Variants in NRG1 observed in about 807,000 individuals in gnomAD.
NRG1 encodes neuregulin 1, also known as pro-neuregulin-1, membrane-bound isoform.
NRG1 carries 18 observed loss-of-function variants against 63.8 expected under a neutral mutation model. The observed-to-expected ratio is 0.28, with a 90% CI of 0.19 to 0.42. The LOEUF (loss-of-function observed/expected upper bound fraction) is 0.42, where lower values mean the gene tolerates loss of function less well. NRG1 is among the 10% of genes least tolerant of loss of function. The pLI is 1.00. For missense variants in NRG1, 762 were observed against 814.7 expected, an observed-to-expected ratio of 0.94 and a Z score of 0.79; for synonymous variants, 302 against 301.3, an observed-to-expected ratio of 1.00 and a Z score of -0.02.
chr8:31,974,330 AT>A lies in NRG1; in HGVS notation c.37+334906del, dbSNP rs564980727. Among the ~76,000 whole-genome samples, 7 of 151,770 alleles carry A rather than the reference AT, an allele frequency of 4.6e-5. No homozygotes were observed. In the South Asian group the frequency reaches 1.5e-3, roughly 32 times the overall value. On this transcript the variant is annotated intron_variant, in intron 1 of 10. Transcript: ENST00000519301. ...ACAGGTGCACTACCCTGCCTGGCTA[AT>A]TTTTTTCTTTAAATTTTCTGTAGAG... is the stretch of plus-strand genomic sequence containing the variant.
At chr8:32,221,132 A>G (rs577107120) in intron 1 of NRG1, 13 of 147,630 alleles carry the variant, frequency 8.8e-5, no homozygotes, top group Non-Finnish European at 1.9e-4. Flanking sequence ...TAAAAAATAA[A>G]GGTAATGAAT....
chr8:32,052,654 C>G lies in NRG1; in HGVS notation c.37+413223C>G, dbSNP rs137979197. On this transcript the variant is annotated intron_variant, in intron 1 of 10. Transcript: ENST00000519301. ...TGTGAGTGGGCAAACAAAATCAAAG[C>G]AAGTTTCATCTCATTTAGAAATGTG... is the stretch of plus-strand genomic sequence containing the variant. 1.2e-4 allele frequency among the ~76,000 whole-genome samples: 19 copies of G among 152,244 alleles called. No homozygotes were observed. The East Asian group carries it at 3.7e-3, about 29-fold the overall frequency.
At chr8:32,450,169 G>A (rs1820777469) in intron 1 of NRG1, among the ~76,000 whole-genome samples, 4 of 152,208 alleles carry the variant, frequency 2.6e-5, no homozygotes, top group Admixed American at 2.0e-4. Context: ...CACTTTAAGT[G>A]GACATTATGC....
intron 1 of NRG1, among the ~76,000 whole-genome samples, chr8:31,925,746 G>A (rs542109286): frequency 1.2e-4 from 18 of 151,902 alleles, no homozygotes; most frequent in Middle Eastern, 3.4e-3. Flanking sequence ...TATGAAGCCC[G>A]TCCACTAGGT....
chr8:32,227,462 A>G (rs752017853), intron 1 of NRG1, among the ~76,000 whole-genome samples: 5 of 152,152 alleles, frequency 3.3e-5, no homozygotes, highest in Non-Finnish European at 7.4e-5. Flanking sequence ...TTAAGAAAAA[A>G]CTGTCCTATT....
At chr8:32,622,004 G>A (rs1848422610) in intron 5 of NRG1, among the ~76,000 whole-genome samples, 1 of 152,176 alleles carries the variant, frequency 6.6e-6, no homozygotes, top group South Asian at 2.1e-4. Context: ...GACTTGTCTG[G>A]GGCCAGTTGT....
intron 1 of NRG1, among the ~76,000 whole-genome samples, chr8:32,121,503 T>A (rs1585439554): frequency 6.6e-6 from 1 of 151,998 alleles, no homozygotes. Flanking sequence ...TTATTGAATG[T>A]CACTCTGAAT....
chr8:32,750,865 G>A (rs532463806), intron 7 of NRG1, among the ~76,000 whole-genome samples: 1 of 152,140 alleles, frequency 6.6e-6, no homozygotes, highest in Admixed American at 6.5e-5. Flanking sequence ...GTTGTGTACT[G>A]AGGGGAGCTA....
chr8:32,755,682 A>C (rs901978439), intron 8 of NRG1, among the ~76,000 whole-genome samples: 3 of 152,142 alleles, frequency 2.0e-5, no homozygotes, highest in African/African-American at 7.2e-5. Flanking sequence ...TTCAAAACTC[A>C]GTTCATTTTC....
chr8:32,398,330 C>T (rs1030826648), intron 1 of NRG1, among the ~76,000 whole-genome samples: 8 of 152,086 alleles, frequency 5.3e-5, no homozygotes, highest in Non-Finnish European at 1.2e-4. Flanking sequence ...ACCCCACTGG[C>T]TGAGCACTCT....
At chr8:31,669,216 A>T (rs1431730747) in intron 1 of NRG1, among the ~76,000 whole-genome samples, 5 of 148,628 alleles carry the variant, frequency 3.4e-5, no homozygotes, top group African/African-American at 1.2e-4. Context: ...CTGCAGCACC[A>T]TGCCAATGCC....
chr8:32,325,369 A>T lies in NRG1; in HGVS notation c.38-270459A>T, dbSNP rs578006350. On this transcript the variant is annotated intron_variant, in intron 1 of 10. Coordinates refer to the NRG1 transcript ENST00000519301. ...TCAGTTACTTCCTATTTATATAATT[A>T]AAAAATTTTTTTGTTGTTGTTTGTT... Among the ~76,000 whole-genome samples the T allele has an allele frequency of 2.0e-5, 3 of 152,252 alleles. No individual in the cohort carries two copies. In the South Asian group the frequency reaches 6.2e-4, roughly 32 times the overall value.
downstream of NRG1, among the ~76,000 whole-genome samples, chr8:32,772,037 ATATGTATATATATATATATATATATATAT>A (rs1445470316): frequency 5.9e-3 from 670 of 112,696 alleles, 68 homozygotes; most frequent in South Asian, 0.012. Flanking sequence ...AAAAAAAAAA[ATATGTATATATATATATATATATATATAT>A]ATATATATAT....
intron 1 of NRG1, among the ~76,000 whole-genome samples, chr8:31,831,909 G>C (rs1825198781): frequency 6.6e-6 from 1 of 152,082 alleles, no homozygotes; most frequent in Non-Finnish European, 1.5e-5. Flanking sequence ...AGCTTCCCCA[G>C]TGATGGAGTT....
intron 1 of NRG1, among the ~76,000 whole-genome samples, chr8:32,022,190 C>G (rs888651731): frequency 1.3e-5 from 2 of 152,046 alleles, no homozygotes; most frequent in Non-Finnish European, 2.9e-5. Context: ...TAAAATTGTC[C>G]CTGTGAATTT....
chr8:32,018,246 G>C (rs1443295548), intron 1 of NRG1, among the ~76,000 whole-genome samples: 1 of 152,116 alleles, frequency 6.6e-6, no homozygotes, highest in Admixed American at 6.5e-5. Context: ...TCTGTCTAAT[G>C]TAATTAAGAA....
intron 1 of NRG1, among the ~76,000 whole-genome samples, chr8:31,968,414 T>A (rs778857649): frequency 6.6e-6 from 1 of 152,196 alleles, no homozygotes; most frequent in African/African-American, 2.4e-5. Flanking sequence ...ACTCACCCTA[T>A]TCCCAAAGAG....
chr8:31,847,445 G>A (rs952829075), intron 1 of NRG1, among the ~76,000 whole-genome samples: 10 of 152,190 alleles, frequency 6.6e-5, no homozygotes, highest in African/African-American at 2.2e-4. Flanking sequence ...AGCAGACATA[G>A]CTTCTGCCCT....
chr8:32,529,569 CTTCATA>C (rs1831235018), intron 1 of NRG1, among the ~76,000 whole-genome samples: 1 of 152,024 alleles, frequency 6.6e-6, no homozygotes, highest in Admixed American at 6.5e-5. Context: ...AATATTCTTT[CTTCATA>C]TTCTTATTCT....
Sources: allele counts gnomAD v4.1 joint callset (sites outside exome capture counted in the v4.1 genomes callset), GRCh38; gene constraint gnomAD v4.1.1; transcripts MANE v1.5; gene names NCBI Gene and HGNC (gene_info 2026-07-23, HGNC 2026-07-21).